GUCA2A: variants seen among roughly 807,000 people sequenced by gnomAD.
GUCA2A encodes guanylate cyclase activator 2A.
A neutral mutation model predicts 11.2 loss-of-function variants in GUCA2A; 17 were observed. The ratio of observed to expected loss-of-function variants is 1.52; its 90% confidence interval spans 1.04 to 2.28. GUCA2A has a LOEUF of 2.28. Ranked by LOEUF, GUCA2A falls within the 30% of genes most tolerant of loss-of-function variation. The pLI, the probability that GUCA2A is intolerant of heterozygous loss-of-function variation, is 0.00. For missense variants in GUCA2A, 173 were observed against 139.3 expected (o/e 1.24, Z -1.22); for synonymous variants, 64 against 57.1 (o/e 1.12, Z -0.54).
At position 42,164,664 on chromosome 1, in the gene GUCA2A, C is replaced by T. The variant is rs1284213682; in HGVS notation, c.49G>A (p.Ala17Thr). The T allele has an allele frequency of 3.2e-6, 5 of 1,550,580 alleles. No homozygotes were observed. In the South Asian group the frequency reaches 3.6e-5, roughly 11 times the overall value. ...SALCLLGAWA[A>T]LAGGVTVQDG... ...TGCACGGTGACCCCTCCTGCCAAGGCGGCCCAGGCCCCAAGGAGGCACAGT... is the reference window on the plus strand; with the variant it reads ...TGCACGGTGACCCCTCCTGCCAAGGTGGCCCAGGCCCCAAGGAGGCACAGT... Residue 17 changes from alanine (A) to threonine (T), a missense_variant, in exon 1 of 3, where the codon GCC (alanine) becomes ACC (threonine). Ala to Thr is a moderately conservative substitution (Grantham distance 58). Coordinates refer to ENST00000357001, the MANE Select transcript of GUCA2A (RefSeq NM_033553.3).
chr1:42,162,792 C>A lies in GUCA2A; in HGVS notation c.*114G>T, dbSNP rs1251931584. 4.7e-6 allele frequency: 4 copies of A among 853,760 alleles called. No homozygotes were observed. The highest frequency in any genetic ancestry group is 4.9e-5 in the East Asian group (2 of 41,142). 52.9% of individuals were successfully genotyped at this position (853,760 alleles called of 1,614,324 possible). Reference sequence around the variant, plus strand: ...CAGTTCCTCCCCGGGCTGCTCCTCCCGACTGGACCAGGGTAGGTTGAGCTG... The same window carrying A: ...CAGTTCCTCCCCGGGCTGCTCCTCCAGACTGGACCAGGGTAGGTTGAGCTG... On this transcript the variant is annotated 3_prime_UTR_variant, in exon 3 of 3. Coordinates refer to ENST00000357001, the MANE Select transcript of GUCA2A (RefSeq NM_033553.3).
chr1:42,163,428 A>T lies in GUCA2A; in HGVS notation c.258T>A (p.Asn86Lys), dbSNP rs35502103. 1.2e-4 allele frequency: 201 copies of T among 1,613,068 alleles called. 1 individual carries two copies. The African/African-American group carries it at 2.5e-3, about 20-fold the overall frequency. The change falls in exon 2 of 3, where the codon AAT becomes AAA. Residue 86 changes from asparagine to lysine, a missense_variant. Coordinates refer to ENST00000357001, the MANE Select transcript of GUCA2A (RefSeq NM_033553.3). ...EELKPLCKEP[N>K]AQEILQRLEE... ...CCAGCCTCTGAAGTATCTCCTGGGC[A>T]TTGGGCTCCTTGCAGAGAGGCTTGA...
Position 42,162,901 on chromosome 1 carries a change from C to A in GUCA2A, c.*5G>T. ...GGAGGGGAGGCAGGCAGTGGGCAAG[C>A]CCCCCTAGCATCCGGTACAGGCAGC... On this transcript the variant is annotated 3_prime_UTR_variant, in exon 3 of 3. Transcript: ENST00000357001. 6.2e-7 allele frequency: 1 copy of A among 1,610,866 alleles called. No homozygotes were observed. The highest frequency in any genetic ancestry group is 1.3e-5 in the African/African-American group (1 of 74,904).
Position 42,163,442 on chromosome 1 carries a change from A to G in GUCA2A, c.244T>C (p.Cys82Arg). 1 of 1,613,954 alleles carries G rather than the reference A, an allele frequency of 6.2e-7. No homozygotes were observed. The highest frequency in any genetic ancestry group is 8.5e-7 in the Non-Finnish European group (1 of 1,179,810). Residue 82 changes from cysteine (C) to arginine (R), a missense_variant, in exon 2 of 3, where the codon TGC becomes CGC. Cys to Arg is a radical substitution (Grantham distance 180). Coordinates refer to ENST00000357001, the MANE Select transcript of GUCA2A (RefSeq NM_033553.3). ...PNFPEELKPL[C>R]KEPNAQEILQ... ...ATCTCCTGGGCATTGGGCTCCTTGCAGAGAGGCTTGAGTTCTTCTGGAAAG... is the reference window on the plus strand; with the variant it reads ...ATCTCCTGGGCATTGGGCTCCTTGCGGAGAGGCTTGAGTTCTTCTGGAAAG...
At chr1:42,163,711 G>A (rs901858656) in intron 1 of GUCA2A, 101 bp from the exon 2 acceptor site, 1 of 751,032 alleles carries the variant, frequency 1.3e-6, no homozygotes, top group Non-Finnish European at 2.2e-6. Context: ...CTCACAGGCA[G>A]TGTTCGTGGC....
At chr1:42,164,068 C>T (rs1646141872) in intron 1 of GUCA2A, among the ~76,000 whole-genome samples, 1 of 152,258 alleles carries the variant, frequency 6.6e-6, no homozygotes, top group Non-Finnish European at 1.5e-5. Flanking sequence ...AATAAAAGGC[C>T]TCCCGGAATC....
rs1646134903 is a variant in GUCA2A at position 42,162,813 on chromosome 1, A to T, written c.*93T>A. 1 of 1,035,276 alleles carries T rather than the reference A, an allele frequency of 9.7e-7. No homozygotes were observed. The highest frequency in any genetic ancestry group is 1.6e-5 in the African/African-American group (1 of 63,714). 64.1% of individuals were successfully genotyped at this position (1,035,276 alleles called of 1,614,324 possible). On this transcript the variant is annotated 3_prime_UTR_variant, in exon 3 of 3. Transcript: ENST00000357001. ...CTCCCGACTGGACCAGGGTAGGTTG[A>T]GCTGCTGGGAGTGGAGTATCATGGG...
chr1:42,162,927 G>C lies in GUCA2A; in HGVS notation c.327C>G (p.Tyr109Ter), dbSNP rs376716216. 1 of 1,613,548 alleles carries C rather than the reference G, an allele frequency of 6.2e-7. No homozygotes were observed. The highest frequency in any genetic ancestry group is 1.1e-5 in the South Asian group (1 of 91,072). The change falls in exon 3 of 3, where the codon TAC becomes TAG. Residue 109 changes from tyrosine (Y) to a stop codon, truncating the protein, a stop_gained. Transcript: ENST00000357001. LOFTEE classifies it high-confidence loss of function. ...CCCCCTAGCATCCGGTACAGGCAGCGTAGGCACAGATTTCACATGTGCCCG... is the reference window on the plus strand; with the variant it reads ...CCCCCTAGCATCCGGTACAGGCAGCCTAGGCACAGATTTCACATGTGCCCG... ...EDPGTCEICA[Y>*]AACTGC
At position 42,164,725 on chromosome 1, in the gene GUCA2A, C is replaced by T. The variant is rs561904719; in HGVS notation, c.-13G>A. ...GGAAGGCATTCATGGCAGCAGTGCC[C>T]GAGAGAGGGGTGGCTGTTCTGGATG... On this transcript the variant is annotated 5_prime_UTR_variant, in exon 1 of 3. Transcript: ENST00000357001. 5 of 1,517,678 alleles carry T rather than the reference C, an allele frequency of 3.3e-6. No individual in the cohort carries two copies. The highest frequency in any genetic ancestry group is 3.9e-5 in the Admixed American group (2 of 50,972). The allele number at this position is 1,517,678 out of a possible 1,614,324, so 94.0% of individuals were successfully genotyped here. A position where few individuals can be genotyped will look rare whatever the true frequency, so the allele number is the denominator to read the frequency against.
At position 42,162,756 on chromosome 1, in the gene GUCA2A, C is replaced by A; in HGVS notation, c.*150G>T. The A allele has an allele frequency of 1.5e-6, 1 of 660,590 alleles. No individual in the cohort carries two copies. Among genetic ancestry groups the A allele is most frequent in the Admixed American group, 2.4e-5 (1 of 41,896 alleles). 40.9% of individuals were successfully genotyped at this position (660,590 alleles called of 1,614,324 possible). ...GGGAAGGACAGTGTTGGGGCGAGGC[C>A]TCCAGTCACCCAGTTCCTCCCCGGG... is the stretch of plus-strand genomic sequence containing the variant. On this transcript the variant is annotated 3_prime_UTR_variant, in exon 3 of 3. Coordinates refer to ENST00000357001, the MANE Select transcript of GUCA2A (RefSeq NM_033553.3).
chr1:42,162,797 G>T lies in GUCA2A; in HGVS notation c.*109C>A. ...CCTCCCCGGGCTGCTCCTCCCGACT[G>T]GACCAGGGTAGGTTGAGCTGCTGGG... is the stretch of plus-strand genomic sequence containing the variant. On this transcript the variant is annotated 3_prime_UTR_variant, in exon 3 of 3. Transcript: ENST00000357001. The T allele has an allele frequency of 1.1e-6, 1 of 891,520 alleles. No individual in the cohort carries two copies. The allele number at this position is 891,520 out of a possible 1,614,324, so 55.2% of individuals were successfully genotyped here.
In GUCA2A at chr1:42,163,553, G is replaced by T; in HGVS notation, c.133C>A (p.Pro45Thr). The change falls in exon 2 of 3, where the codon CCC becomes ACC. Residue 45 changes from proline to threonine, a missense_variant. Physicochemically the swap from Pro to Thr is conservative, Grantham distance 38. Coordinates refer to ENST00000357001, the MANE Select transcript of GUCA2A (RefSeq NM_033553.3). ...AGTTTCCCAACCCTGGGCTCCTGGGGCTCCTGGAGGTCTTTGAGCTTCTTC... is the reference window on the plus strand; with the variant it reads ...AGTTTCCCAACCCTGGGCTCCTGGGTCTCCTGGAGGTCTTTGAGCTTCTTC... ...SVKKLKDLQE[P>T]QEPRVGKLRN... The T allele has an allele frequency of 6.2e-7, 1 of 1,613,774 alleles. No individual in the cohort carries two copies. Among genetic ancestry groups the T allele is most frequent in the Non-Finnish European group, 8.5e-7 (1 of 1,179,670 alleles).
chr1:42,163,665 T>C, intron 1 of GUCA2A, 55 bp from the exon 2 acceptor site: 2 of 1,259,712 alleles, frequency 1.6e-6, no homozygotes, highest in Non-Finnish European at 2.3e-6. Flanking sequence ...TTCCTGGCTG[T>C]GCCCCCCGTG....
intron 2 of GUCA2A, 46 bp from the exon 3 acceptor site, chr1:42,163,016 G>A (rs747191669): frequency 5.4e-6 from 8 of 1,491,622 alleles, no homozygotes; most frequent in Admixed American, 3.4e-5. Flanking sequence ...ATTTCCTCGC[G>A]AGGCCCCTGC....
At chr1:42,164,457 C>T (rs1259072303) in intron 1 of GUCA2A, among the ~76,000 whole-genome samples, 181 bp downstream of exon 1, 1 of 152,246 alleles carries the variant, frequency 6.6e-6, no homozygotes, top group Non-Finnish European at 1.5e-5. Flanking sequence ...TTTCTTTCTC[C>T]TCCAAAGTTG....
At position 42,164,652 on chromosome 1, in the gene GUCA2A, C is replaced by T. The variant is rs901572510; in HGVS notation, c.61G>A (p.Gly21Arg). The T allele has an allele frequency of 6.5e-6, 10 of 1,549,142 alleles. No individual in the cohort carries two copies. In the African/African-American group the frequency reaches 1.2e-4, roughly 19 times the overall value. Residue 21 changes from glycine (G) to arginine (R), a missense_variant, in exon 1 of 3, where the codon GGG becomes AGG. Coordinates refer to ENST00000357001, the MANE Select transcript of GUCA2A (RefSeq NM_033553.3). ...LLGAWAALAGGVTVQDGNFSF... is the reference protein window; with the variant it reads ...LLGAWAALAGRVTVQDGNFSF... Reference sequence around the variant, plus strand: ...ACAGGACTCACCTGCACGGTGACCCCTCCTGCCAAGGCGGCCCAGGCCCCA... The same window carrying T: ...ACAGGACTCACCTGCACGGTGACCCTTCCTGCCAAGGCGGCCCAGGCCCCA...
rs1198529426 is a variant in GUCA2A, at chr1:42,162,951, C to CG, written c.302dup (p.Thr103HisfsTer3). 6.2e-7 allele frequency: 1 copy of CG among 1,613,570 alleles called. No homozygotes were observed. The highest frequency in any genetic ancestry group is 1.3e-5 in the African/African-American group (1 of 74,868). On this transcript the variant is annotated frameshift_variant, in exon 3 of 3. Coordinates refer to ENST00000357001, the MANE Select transcript of GUCA2A (RefSeq NM_033553.3). LOFTEE classifies it high-confidence loss of function. Reference sequence around the variant, plus strand: ...CGTAGGCACAGATTTCACATGTGCCCGGGTCCTCAGCGATTTCCTCTGCAC... The same window carrying CG: ...CGTAGGCACAGATTTCACATGTGCCCGGGGTCCTCAGCGATTTCCTCTGCAC...
chr1:42,163,374 A>T, intron 2 of GUCA2A, 29 bp downstream of exon 2: 1 of 1,458,792 alleles, frequency 6.9e-7, no homozygotes, highest in South Asian at 1.1e-5. Flanking sequence ...CCCGAACCCC[A>T]CCAATCAGAG....
At position 42,162,960 on chromosome 1, in the gene GUCA2A, AGC is replaced by A; in HGVS notation, c.292_293del (p.Ala98Ter). ...AGATTTCACATGTGCCCGGGTCCTCAGCGATTTCCTCTGCACAACAGAGATGG... is the reference window on the plus strand; with the variant it reads ...AGATTTCACATGTGCCCGGGTCCTCAGATTTCCTCTGCACAACAGAGATGG... The part of the protein sequence containing the change: ...QEILQRLEEI[A>X]EDPGTCEICA... On this transcript the variant is annotated frameshift_variant, in exon 3 of 3. Coordinates refer to ENST00000357001, the MANE Select transcript of GUCA2A (RefSeq NM_033553.3). LOFTEE classifies it high-confidence loss of function. The A allele has an allele frequency of 6.2e-7, 1 of 1,613,648 alleles. No homozygotes were observed. The highest frequency in any genetic ancestry group is 2.2e-5 in the East Asian group (1 of 44,876).
Sources: gnomAD v4.1 joint callset for allele counts (sites outside exome capture counted in the v4.1 genomes callset) on GRCh38, gnomAD v4.1.1 for gene constraint, MANE v1.5 for transcripts, NCBI Gene and HGNC (gene_info 2026-07-23, HGNC 2026-07-21) for gene names.